The following BCKDHB variants were observed in gnomAD, a reference collection of about 807,000 sequenced individuals.
The protein encoded by BCKDHB is branched chain keto acid dehydrogenase E1 subunit beta, also known as 2-oxoisovalerate dehydrogenase subunit beta, mitochondrial.
Under a neutral mutation model 48.5 loss-of-function variants are expected in BCKDHB, and 41 were observed. That is an observed-to-expected ratio of 0.85 (90% CI 0.66 to 1.10). The LOEUF is 1.10. Ranked by LOEUF, BCKDHB falls within the 50% of genes least tolerant of loss-of-function variation. The probability of loss-of-function intolerance (pLI) is 0.00; values close to 1 mark genes in which losing one functional copy is unlikely to be tolerated. For missense variants in BCKDHB, 496 were observed against 494.2 expected, an observed-to-expected ratio of 1.00 and a Z score of -0.03; for synonymous variants, 201 against 174.8, an observed-to-expected ratio of 1.15 and a Z score of -1.18.
intron 8 of BCKDHB, among the ~76,000 whole-genome samples, chr6:80,226,226 A>T (rs1255974137): frequency 6.6e-6 from 1 of 152,238 alleles, no homozygotes; most frequent in Non-Finnish European, 1.5e-5. Flanking sequence ...TTTTAAAACT[A>T]CAGGGCTATT....
chr6:80,154,808 A>G (rs1379466003), intron 3 of BCKDHB, among the ~76,000 whole-genome samples: 4 of 152,140 alleles, frequency 2.6e-5, no homozygotes, highest in African/African-American at 9.6e-5. Flanking sequence ...TTGAAATTTC[A>G]CTTGAATCTG....
the BCKDHB span, among the ~76,000 whole-genome samples, chr6:80,429,035 A>T: frequency 1.3e-5 from 2 of 152,154 alleles, no homozygotes; most frequent in South Asian, 4.1e-4. Context: ...ATCCATCTTG[A>T]GATAATTTTT....
At chr6:80,232,361 G>A (rs1162541465) in intron 8 of BCKDHB, among the ~76,000 whole-genome samples, 1 of 151,834 alleles carries the variant, frequency 6.6e-6, no homozygotes, top group African/African-American at 2.4e-5. Context: ...TGTTAACAGA[G>A]AGAGGAAAGT....
At chr6:80,330,094 T>C (rs773662986) in intron 9 of BCKDHB, among the ~76,000 whole-genome samples, 8 of 127,176 alleles carry the variant, frequency 6.3e-5, no homozygotes, top group Non-Finnish European at 8.3e-5. Flanking sequence ...GAGAGGCTTG[T>C]GTCAAGGTGA....
intron 8 of BCKDHB, among the ~76,000 whole-genome samples, chr6:80,233,571 T>C (rs1304640037): frequency 6.6e-6 from 1 of 152,210 alleles, no homozygotes; most frequent in Admixed American, 6.5e-5. Flanking sequence ...CTGAACCTTA[T>C]TAATCTTAAT....
At chr6:80,373,931 A>AT in the BCKDHB span, 1 of 461,226 alleles carries the variant, frequency 2.2e-6, no homozygotes, top group Non-Finnish European at 4.1e-6. Context: ...GAAACAGCAG[A>AT]TATTTGTTTG....
At chr6:80,182,873 A>G (rs1296298717) in intron 6 of BCKDHB, among the ~76,000 whole-genome samples, 1 of 152,134 alleles carries the variant, frequency 6.6e-6, no homozygotes, top group Non-Finnish European at 1.5e-5. Context: ...TTTTTTACCA[A>G]TATATTTTTG....
At chr6:80,269,412 C>A (rs1777642518) in intron 8 of BCKDHB, among the ~76,000 whole-genome samples, 1 of 152,092 alleles carries the variant, frequency 6.6e-6, no homozygotes, top group African/African-American at 2.4e-5. Flanking sequence ...TTTGACAAAT[C>A]TTTTAGAACA....
chr6:80,141,186 T>A (rs1771190201), intron 3 of BCKDHB, among the ~76,000 whole-genome samples: 1 of 152,140 alleles, frequency 6.6e-6, no homozygotes, highest in Admixed American at 6.6e-5. Flanking sequence ...TATTCGATTC[T>A]TCTCTCTTTT....
chr6:80,182,623 T>C (rs919234789), intron 6 of BCKDHB, among the ~76,000 whole-genome samples: 3 of 152,188 alleles, frequency 2.0e-5, no homozygotes, highest in African/African-American at 7.2e-5. Context: ...TTTGAACTCC[T>C]TTCCTTAAGC....
At chr6:80,300,251 C>A (rs773376019) in intron 9 of BCKDHB, among the ~76,000 whole-genome samples, 2 of 152,026 alleles carry the variant, frequency 1.3e-5, no homozygotes, top group Admixed American at 6.6e-5. Flanking sequence ...AGGGCTTCAC[C>A]ATGTTGCCCA....
the BCKDHB span, among the ~76,000 whole-genome samples, chr6:80,421,744 G>T: frequency 1.3e-5 from 2 of 152,148 alleles, no homozygotes; most frequent in Admixed American, 1.3e-4. Context: ...GATGATTAGG[G>T]TATCTGGTGG....
chr6:80,115,804 T>A (rs1311064785), intron 1 of BCKDHB, among the ~76,000 whole-genome samples: 1 of 151,874 alleles, frequency 6.6e-6, no homozygotes, highest in East Asian at 1.9e-4. Context: ...GCCTGGCTAA[T>A]TTTTTGTATT....
At chr6:80,267,843 T>C (rs994601835) in intron 8 of BCKDHB, among the ~76,000 whole-genome samples, 24 of 152,216 alleles carry the variant, frequency 1.6e-4, no homozygotes, top group Middle Eastern at 6.8e-3. Flanking sequence ...TGCTTATTTT[T>C]CAGCTCTTCA....
At chr6:80,108,031 A>G (rs1769216756) in intron 1 of BCKDHB, among the ~76,000 whole-genome samples, 1 of 152,132 alleles carries the variant, frequency 6.6e-6, no homozygotes, top group African/African-American at 2.4e-5. Context: ...TGCTGTGTGT[A>G]TGTTTCATCA....
intron 8 of BCKDHB, among the ~76,000 whole-genome samples, chr6:80,241,706 G>A (rs948328820): frequency 6.6e-6 from 1 of 152,156 alleles, no homozygotes; most frequent in East Asian, 1.9e-4. Context: ...TCAGCATTTT[G>A]AACTTTAGTA....
chr6:80,384,138 A>G, the BCKDHB span, among the ~76,000 whole-genome samples: 1 of 152,128 alleles, frequency 6.6e-6, no homozygotes, highest in East Asian at 1.9e-4. Context: ...GGGTGTTGTC[A>G]AAGGAGATTA....
chr6:80,436,250 C>T, the BCKDHB span, among the ~76,000 whole-genome samples: 1 of 149,360 alleles, frequency 6.7e-6, no homozygotes, highest in Admixed American at 6.7e-5. Context: ...GCTCTGCCCC[C>T]CGGGTTCACG....
chr6:80,322,396 G>A (rs763882805), intron 9 of BCKDHB, among the ~76,000 whole-genome samples: 1 of 151,644 alleles, frequency 6.6e-6, no homozygotes, highest in Non-Finnish European at 1.5e-5. Context: ...GCACCACTAC[G>A]CCTGGCTAAT....
Sources: allele counts gnomAD v4.1 joint callset (sites outside exome capture counted in the v4.1 genomes callset), GRCh38; gene constraint gnomAD v4.1.1; transcripts MANE v1.5; gene names NCBI Gene and HGNC (gene_info 2026-07-23, HGNC 2026-07-21).